NR1D2: variants seen among roughly 807,000 people sequenced by gnomAD.
NR1D2 encodes V-erbA-related protein 1-related.
Under a neutral mutation model 52.2 loss-of-function variants are expected in NR1D2, and 25 were observed. That is an observed-to-expected ratio of 0.48 (90% CI 0.35 to 0.67). NR1D2 has a LOEUF of 0.67. Ranked by LOEUF, NR1D2 falls within the 30% of genes least tolerant of loss-of-function variation. NR1D2 has a pLI of 0.01. For synonymous variants in NR1D2, 259 were observed against 230.1 expected (o/e 1.13, Z -1.14); for missense variants, 681 against 707.2 (o/e 0.96, Z 0.42).
chr3:23,966,899 A>G (rs1028010035), intron 6 of NR1D2, among the ~76,000 whole-genome samples: 5 of 151,924 alleles, frequency 3.3e-5, no homozygotes, highest in African/African-American at 7.3e-5. Flanking sequence ...GTGTGGTGGT[A>G]TGTATTTGTA....
chr3:23,961,898 TG>T (rs1706257132), intron 4 of NR1D2, 78 bp from the exon 5 acceptor site: 5 of 1,327,876 alleles, frequency 3.8e-6, no homozygotes, highest in Non-Finnish European at 5.1e-6. Flanking sequence ...CCATAACTGT[TG>T]GATAATTTTG....
At chr3:23,964,693 A>T (rs1164912863) in intron 5 of NR1D2, 1 of 242,336 alleles carries the variant, frequency 4.1e-6, no homozygotes, top group African/African-American at 2.2e-5. Context: ...TACAAAATAA[A>T]CTCTTAAACC....
chr3:23,968,032 G>T lies in NR1D2; in HGVS notation c.1543+9G>T. ...TGTCCTGGTATCTGCAGGTAAGCAA[G>T]CTGGTTCAAAATTGTGCCACACCTA... On this transcript the variant is annotated intron_variant, in intron 7 of 7. Coordinates refer to ENST00000312521, the MANE Select transcript of NR1D2 (RefSeq NM_005126.5). 6.2e-7 allele frequency: 1 copy of T among 1,612,896 alleles called. No homozygotes were observed. Among genetic ancestry groups the T allele is most frequent in the African/African-American group, 1.3e-5 (1 of 75,040 alleles).
In NR1D2 at chr3:23,965,137, A is replaced by C. The variant is rs578131251; in HGVS notation, c.1307A>C (p.Asn436Thr). ...GATCTCTCTCAGCATGACCAGGTCA[A>C]CCTTTTAAAGGCTGGGACTTTTGAG... ...FRDLSQHDQV[N>T]LLKAGTFEVL... The change falls in exon 6 of 8, where the codon AAC (asparagine) becomes ACC (threonine). Residue 436 changes from asparagine (N) to threonine (T), a missense_variant. By Grantham distance (65) the Asn-to-Thr change is moderately conservative. Coordinates refer to ENST00000312521, the MANE Select transcript of NR1D2 (RefSeq NM_005126.5). 6.2e-7 allele frequency: 1 copy of C among 1,610,952 alleles called. No homozygotes were observed. Among genetic ancestry groups the C allele is most frequent in the African/African-American group, 1.3e-5 (1 of 74,722 alleles).
Position 23,962,263 on chromosome 3 carries a change from T to A in NR1D2, c.804T>A (p.Asn268Lys). ...CTCACAAGGATACCTTTATGTATAATCAAGAGCAGCAAGAAAACTCAGCTG... is the reference window on the plus strand; with the variant it reads ...CTCACAAGGATACCTTTATGTATAAACAAGAGCAGCAAGAAAACTCAGCTG... Reference protein sequence around the residue: ...TRAHKDTFMYNQEQQENSAES... With the variant: ...TRAHKDTFMYKQEQQENSAES... Residue 268 changes from asparagine to lysine, a missense_variant, in exon 5 of 8, where the codon AAT becomes AAA. By Grantham distance (94) the Asn-to-Lys change is moderately conservative. Coordinates refer to ENST00000312521, the MANE Select transcript of NR1D2 (RefSeq NM_005126.5). The A allele has an allele frequency of 6.2e-7, 1 of 1,614,166 alleles. No homozygotes were observed. Among genetic ancestry groups the A allele is most frequent in the Non-Finnish European group, 8.5e-7 (1 of 1,180,036 alleles).
Position 23,967,833 on chromosome 3 carries a change from A to G in NR1D2, c.1353A>G (p.Ala451=), listed in dbSNP as rs147395985. 668 of 1,613,868 alleles carry G rather than the reference A, an allele frequency of 4.1e-4. 2 individuals are homozygous for G. In the African/African-American group the frequency reaches 7.9e-3, roughly 19 times the overall value. ...TCCAGGTTTTAATGGTACGGTTCGC[A>G]TCATTATTTGATGCAAAGGAACGTA... ...GTFEVLMVRF[A]SLFDAKERTV... Residue 451 remains alanine, a synonymous_variant, in exon 7 of 8, where the codon GCA becomes GCG. Transcript: ENST00000312521.
At chr3:23,961,720 C>A (rs568152808) in intron 4 of NR1D2, among the ~76,000 whole-genome samples, 73 of 152,184 alleles carry the variant, frequency 4.8e-4, no homozygotes, top group Non-Finnish European at 8.7e-4. Flanking sequence ...TTTTCTTAGA[C>A]TTTGCTTATA....
Position 23,963,313 on chromosome 3 carries a change from G to A in NR1D2, c.1146+708G>A. On this transcript the variant is annotated intron_variant, in intron 5 of 7. Transcript: ENST00000312521. The stretch of plus-strand genomic sequence containing the variant: ...ACCATGAAGTCCTTTGATAGTGCTT[G>A]GTATTTTCTACTGACAGGTAATTAA... The A allele has an allele frequency of 2.2e-6, 3 of 1,346,904 alleles. No homozygotes were observed. The South Asian group carries it at 3.5e-5, about 16-fold the overall frequency. The allele number at this position is 1,346,904 out of a possible 1,614,324, so 83.4% of individuals were successfully genotyped here.
intron 1 of NR1D2, among the ~76,000 whole-genome samples, chr3:23,948,557 G>C (rs946600151): frequency 6.6e-6 from 1 of 152,112 alleles, no homozygotes; most frequent in Non-Finnish European, 1.5e-5. Flanking sequence ...CATTCTGTTG[G>C]AACTCTTCTA....
chr3:23,956,912 A>G (rs1706094271), intron 3 of NR1D2, among the ~76,000 whole-genome samples: 1 of 152,170 alleles, frequency 6.6e-6, no homozygotes, highest in African/African-American at 2.4e-5. Context: ...ATGATGGGTA[A>G]ACAAGATAAT....
rs1218023381 is a variant in NR1D2 at position 23,978,078 on chromosome 3, A to G, written c.*659A>G. 6.6e-6 allele frequency: 1 copy of G among 152,204 alleles called. No individual in the cohort carries two copies. Among genetic ancestry groups the G allele is most frequent in the East Asian group, 1.9e-4 (1 of 5,198 alleles). 9.4% of individuals were successfully genotyped at this position (152,204 alleles called of 1,614,324 possible). On this transcript the variant is annotated 3_prime_UTR_variant, in exon 8 of 8. Coordinates refer to ENST00000312521, the MANE Select transcript of NR1D2 (RefSeq NM_005126.5). ...ATTTCTGTTATTACAATTATTCATA[A>G]TAATATTCTTTTCTTATTTCTAAGC...
chr3:23,955,855 AC>A (rs2125286301), intron 2 of NR1D2, among the ~76,000 whole-genome samples, 181 bp from the exon 3 acceptor site: 1 of 152,206 alleles, frequency 6.6e-6, no homozygotes, highest in African/African-American at 2.4e-5. Flanking sequence ...AAAAAAAAAC[AC>A]CGTAAGAAAA....
chr3:23,975,139 G>T (rs1331238252), intron 7 of NR1D2, among the ~76,000 whole-genome samples: 2 of 151,604 alleles, frequency 1.3e-5, no homozygotes, highest in Admixed American at 6.6e-5. Context: ...TTTATTTTTT[G>T]AGACAGCATC....
rs981813140 is a variant in NR1D2, at chr3:23,974,411, C to T, written c.1544-2812C>T. The stretch of plus-strand genomic sequence containing the variant: ...ACGTCACTGGGCGATAGGAATTTTT[C>T]AGCAACATTATAATATTATGGGACC... On this transcript the variant is annotated intron_variant, in intron 7 of 7. Transcript: ENST00000312521. 5.9e-5 allele frequency among the ~76,000 whole-genome samples: 9 copies of T among 152,204 alleles called. No individual in the cohort carries two copies. The South Asian group carries it at 8.3e-4, about 14-fold the overall frequency.
intron 1 of NR1D2, chr3:23,946,087 T>G: frequency 2.4e-5 from 24 of 983,146 alleles, no homozygotes; most frequent in Non-Finnish European, 2.9e-5. Flanking sequence ...CTCCGCCCCT[T>G]TGGAAGCCTC....
At position 23,962,537 on chromosome 3, in the gene NR1D2, A is replaced by T; in HGVS notation, c.1078A>T (p.Ile360Leu). The change falls in exon 5 of 8, where the codon ATA becomes TTA. Residue 360 changes from isoleucine (I) to leucine (L), a missense_variant. By Grantham distance (5) the Ile-to-Leu change is conservative. Coordinates refer to ENST00000312521, the MANE Select transcript of NR1D2 (RefSeq NM_005126.5). ...TCAAAGAGTATGTGATAGAGTTCCG[A>T]TAGATGGATTTTCTCAGAATGAGAA... is the stretch of plus-strand genomic sequence containing the variant. ...YTQRVCDRVP[I>L]DGFSQNENKN... 1 of 1,613,844 alleles carries T rather than the reference A, an allele frequency of 6.2e-7. No homozygotes were observed. Among genetic ancestry groups the T allele is most frequent in the South Asian group, 1.1e-5 (1 of 91,060 alleles).
At chr3:23,962,938 C>A (rs1706323445) in intron 5 of NR1D2, among the ~76,000 whole-genome samples, 1 of 151,618 alleles carries the variant, frequency 6.6e-6, no homozygotes, top group Admixed American at 6.6e-5. Context: ...TAGTACCTTA[C>A]TAGCTTTGGG....
chr3:23,960,023 C>G (rs1706194136), intron 4 of NR1D2: 1 of 369,166 alleles, frequency 2.7e-6, no homozygotes, highest in African/African-American at 2.1e-5. Flanking sequence ...GGCTAAACTT[C>G]TGTTGTTGTT....
intron 6 of NR1D2, 73 bp downstream of exon 6, chr3:23,965,235 CTTTTTTTTTTTTT>C (rs371267256): frequency 3.2e-5 from 10 of 309,308 alleles, no homozygotes; most frequent in African/African-American, 2.6e-4. Context: ...TGTTTTAATT[CTTTTTTTTTTTTT>C]TTTTTTTTTG....
Sources: gnomAD v4.1 joint callset for allele counts (sites outside exome capture counted in the v4.1 genomes callset) on GRCh38, gnomAD v4.1.1 for gene constraint, MANE v1.5 for transcripts, NCBI Gene and HGNC (gene_info 2026-07-23, HGNC 2026-07-21) for gene names.